The following RASEF variants were observed in gnomAD, a reference collection of about 807,000 sequenced individuals.
The protein encoded by RASEF is RAS and EF-hand domain containing, also known as ras and EF-hand domain-containing protein.
RASEF carries 68 observed loss-of-function variants against 90.1 expected under a neutral mutation model. That is an observed-to-expected ratio of 0.75 (90% CI 0.62 to 0.92). RASEF has a LOEUF of 0.92. Ranked by LOEUF, RASEF falls within the 40% of genes least tolerant of loss-of-function variation. RASEF has a pLI of 0.00. For missense variants in RASEF, 949 were observed against 937.2 expected (o/e 1.01, Z -0.16); for synonymous variants, 331 against 345.2 (o/e 0.96, Z 0.46).
At chr9:83,014,306 C>T (rs561578654) in intron 4 of RASEF, among the ~76,000 whole-genome samples, 35 of 152,126 alleles carry the variant, frequency 2.3e-4, no homozygotes, top group African/African-American at 8.4e-4. Context: ...CTAATTGCCA[C>T]TTAGTCTCAT....
chr9:82,986,644 A>G (rs1179938612), intron 16 of RASEF, among the ~76,000 whole-genome samples: 2 of 152,244 alleles, frequency 1.3e-5, no homozygotes, highest in African/African-American at 2.4e-5. Flanking sequence ...GCTCACCAAA[A>G]TCTACCATAC....
the RASEF span, among the ~76,000 whole-genome samples, chr9:83,094,292 AT>A: frequency 2.0e-5 from 3 of 151,386 alleles, no homozygotes; most frequent in African/African-American, 7.4e-5. Context: ...TACCCACAAC[AT>A]TGTGAACACT....
the RASEF span, among the ~76,000 whole-genome samples, chr9:83,148,614 T>C: frequency 6.6e-6 from 1 of 152,202 alleles, no homozygotes; most frequent in African/African-American, 2.4e-5. Flanking sequence ...TGTGTGACAA[T>C]ACATCTCTGA....
intron 1 of RASEF, among the ~76,000 whole-genome samples, chr9:83,044,130 A>C (rs1829889090): frequency 6.6e-6 from 1 of 152,128 alleles, no homozygotes; most frequent in African/African-American, 2.4e-5. Context: ...TACTGGAAAA[A>C]ATTTCTTCCT....
At chr9:83,200,611 T>C in the RASEF span, among the ~76,000 whole-genome samples, 2 of 152,164 alleles carry the variant, frequency 1.3e-5, no homozygotes, top group South Asian at 2.1e-4. Flanking sequence ...TGCTGCCTTA[T>C]TTTCCTCAAA....
At chr9:82,987,414 T>C (rs1373835897) in intron 16 of RASEF, among the ~76,000 whole-genome samples, 1 of 152,222 alleles carries the variant, frequency 6.6e-6, no homozygotes, top group Non-Finnish European at 1.5e-5. Context: ...TTAAAATAAC[T>C]ATAACCTATC....
At chr9:83,108,281 GATACAATCT>G in the RASEF span, among the ~76,000 whole-genome samples, 1 of 152,156 alleles carries the variant, frequency 6.6e-6, no homozygotes, top group Non-Finnish European at 1.5e-5. Flanking sequence ...CCTCATGTCA[GATACAATCT>G]ATATAAAAGG....
At chr9:83,179,291 C>T in the RASEF span, among the ~76,000 whole-genome samples, 1 of 152,144 alleles carries the variant, frequency 6.6e-6, no homozygotes, top group African/African-American at 2.4e-5. Context: ...CTTGAGAACA[C>T]ACAGGCCCAG....
intron 2 of RASEF, among the ~76,000 whole-genome samples, chr9:83,023,180 T>C (rs917596298): frequency 5.3e-5 from 8 of 152,204 alleles, no homozygotes; most frequent in Non-Finnish European, 1.0e-4. Context: ...CAATGTTATA[T>C]GTTAAAGTGA....
At chr9:83,119,118 G>A in the RASEF span, among the ~76,000 whole-genome samples, 19,791 of 148,076 alleles carry the variant, frequency 0.13, 1,381 homozygotes, top group East Asian at 0.2. Flanking sequence ...AGTGATTCTC[G>A]TGCCTCAGCC....
At chr9:83,203,719 T>C in the RASEF span, among the ~76,000 whole-genome samples, 1 of 152,002 alleles carries the variant, frequency 6.6e-6, no homozygotes. Flanking sequence ...GAAGAGTGAG[T>C]ATCACTTAAG....
At chr9:83,119,514 C>CTG in the RASEF span, among the ~76,000 whole-genome samples, 1 of 152,190 alleles carries the variant, frequency 6.6e-6, no homozygotes, top group Non-Finnish European at 1.5e-5. Context: ...AAAGCTGAAG[C>CTG]AACAGCTCTG....
Position 82,989,707 on chromosome 9 carries a change from G to A in RASEF, c.2117+684C>T, listed in dbSNP as rs536654193. ...GTCTGCAATTAAAGATGATTGCTCT[G>A]AAATTTGTATTGCACATTTTGATTT... On this transcript the variant is annotated intron_variant, in intron 16 of 16. Transcript: ENST00000376447. Among the ~76,000 whole-genome samples, 3 of 152,236 alleles carry A rather than the reference G, an allele frequency of 2.0e-5. No individual in the cohort carries two copies. The South Asian group carries it at 6.2e-4, about 32-fold the overall frequency.
chr9:83,027,969 G>A (rs1223438993), intron 1 of RASEF, among the ~76,000 whole-genome samples: 1 of 152,160 alleles, frequency 6.6e-6, no homozygotes, highest in East Asian at 1.9e-4. Flanking sequence ...ATCCCTGCTT[G>A]CTAGTATTTA....
chr9:83,024,236 A>G (rs1183602933), intron 2 of RASEF, among the ~76,000 whole-genome samples: 1 of 152,210 alleles, frequency 6.6e-6, no homozygotes, highest in African/African-American at 2.4e-5. Context: ...AAGGGAGTGG[A>G]TGGGGACACC....
the RASEF span, among the ~76,000 whole-genome samples, chr9:83,197,952 G>T: frequency 5.9e-5 from 9 of 152,284 alleles, no homozygotes; most frequent in South Asian, 1.9e-3. Flanking sequence ...ATTGCTCAAT[G>T]GTAGCACGGC....
chr9:83,099,429 T>C, the RASEF span, among the ~76,000 whole-genome samples: 1 of 152,198 alleles, frequency 6.6e-6, no homozygotes, highest in Non-Finnish European at 1.5e-5. Context: ...CACCATACCG[T>C]GTTACGCTAA....
At chr9:83,085,932 A>T in the RASEF span, among the ~76,000 whole-genome samples, 1 of 152,140 alleles carries the variant, frequency 6.6e-6, no homozygotes. Context: ...CTCCAAAAAA[A>T]ATAAAAAATA....
chr9:83,000,896 A>C lies in RASEF; in HGVS notation c.1437T>G (p.Asp479Glu). The C allele has an allele frequency of 1.9e-6, 3 of 1,612,630 alleles. No homozygotes were observed. The South Asian group carries it at 3.3e-5, about 18-fold the overall frequency. Reference protein sequence around the residue: ...ESFGGDASDTDVPDIRDEETF... With the variant: ...ESFGGDASDTEVPDIRDEETF... ...GAGAGCAGTGGTTTCTGGGGCTTAC[A>C]TCTGTGTCTGAAGCATCACCTCCAA... The change falls in exon 10 of 17, where the codon GAT (aspartate) becomes GAG (glutamate). Residue 479 changes from aspartate (D) to glutamate (E), a missense_variant and splice_region_variant. Transcript: ENST00000376447.
Sources: allele counts gnomAD v4.1 joint callset (sites outside exome capture counted in the v4.1 genomes callset), GRCh38; gene constraint gnomAD v4.1.1; transcripts MANE v1.5; gene names NCBI Gene and HGNC (gene_info 2026-07-23, HGNC 2026-07-21).